Variants in CALCOCO1 observed in about 807,000 individuals in gnomAD.
The protein encoded by CALCOCO1 is calcium binding and coiled-coil domain 1.
Under a neutral mutation model 86.3 loss-of-function variants are expected in CALCOCO1, and 44 were observed. The observed-to-expected ratio is 0.51, with a 90% confidence interval of 0.40 to 0.66. The LOEUF is 0.66. Ranked by LOEUF, CALCOCO1 falls within the 30% of genes least tolerant of loss-of-function variation. The pLI is 0.00. For missense variants in CALCOCO1, 708 were observed against 851.1 expected, an observed-to-expected ratio of 0.83 and a Z score of 2.09; for synonymous variants, 297 against 327.6, an observed-to-expected ratio of 0.91 and a Z score of 1.01.
rs751633795 is a variant in CALCOCO1 at position 53,721,498 on chromosome 12, T to C, written c.727A>G (p.Lys243Glu). The C allele has an allele frequency of 6.2e-6, 10 of 1,612,076 alleles. No individual in the cohort carries two copies. In the South Asian group the frequency reaches 1.1e-4, roughly 18 times the overall value. ...LEDDIQTISE[K>E]VLTKEVELDR... is the part of the protein sequence containing the mutation. Reference sequence around the variant, plus strand: ...AGCTCCACTTCCTTCGTCAGCACTTTCTCACTGATGGTCTGGATGTCATCC... The same window carrying C: ...AGCTCCACTTCCTTCGTCAGCACTTCCTCACTGATGGTCTGGATGTCATCC... Residue 243 changes from lysine (K) to glutamate (E), a missense_variant, in exon 6 of 15, where the codon AAA (lysine) becomes GAA (glutamate). Lys to Glu is a moderately conservative substitution (Grantham distance 56). Coordinates refer to ENST00000550804, the MANE Select transcript of CALCOCO1 (RefSeq NM_020898.3).
rs1945943021 is a variant in CALCOCO1, at chr12:53,723,775, G to C, written c.268C>G (p.Leu90Val). ...TAGAGCTGAGCTCCTGGTTTGGGCA[G>C]GTAGCTGGCTGTGGGAAGAAGAATG... ...HTSVQFQASY[L>V]PKPGAQLYQF... The change falls in exon 4 of 15, where the codon CTG becomes GTG. Residue 90 changes from leucine to valine, a missense_variant. By Grantham distance (32) the Leu-to-Val change is conservative. Transcript: ENST00000550804. 6.2e-7 allele frequency: 1 copy of C among 1,612,014 alleles called. No individual in the cohort carries two copies. Among genetic ancestry groups the C allele is most frequent in the South Asian group, 1.1e-5 (1 of 91,038 alleles).
At chr12:53,713,589 C>A (rs887280006) in intron 13 of CALCOCO1, 112 bp downstream of exon 13, 1 of 1,020,996 alleles carries the variant, frequency 9.8e-7, no homozygotes, top group African/African-American at 1.6e-5. Flanking sequence ...TCGCTTCAGC[C>A]CAGGAGGCAG....
rs753292967 is a variant in CALCOCO1 at position 53,725,141 on chromosome 12, G to A, written c.102C>T (p.Tyr34=). 6.2e-7 allele frequency: 1 copy of A among 1,613,330 alleles called. No homozygotes were observed. Among genetic ancestry groups the A allele is most frequent in the Non-Finnish European group, 8.5e-7 (1 of 1,179,604 alleles). ...TGGGCATGGTGCCTGGGGGAAGGGT[G>A]TAGTGACATTCCACCTTGGTGTTGG... ...YIPNTKVECH[Y]TLPPGTMPSA... The change falls in exon 2 of 15, where the codon TAC becomes TAT. Residue 34 remains tyrosine (Y), a synonymous_variant. Transcript: ENST00000550804.
Position 53,723,581 on chromosome 12 carries a change from C to T in CALCOCO1, c.450+12G>A. On this transcript the variant is annotated intron_variant, in intron 4 of 14. Transcript: ENST00000550804. ...CCCTTGTCTGGGAATAACTCTGTTG[C>T]TCTTTTCTCACCTGTAACACAGTTG... 4 of 1,614,100 alleles carry T rather than the reference C, an allele frequency of 2.5e-6. No individual in the cohort carries two copies. The highest frequency in any genetic ancestry group is 3.4e-6 in the Non-Finnish European group (4 of 1,179,954).
chr12:53,725,058 A>G (rs371295804), intron 2 of CALCOCO1, 29 bp downstream of exon 2: 1 of 1,555,456 alleles, frequency 6.4e-7, no homozygotes. Context: ...CAGCCCATAA[A>G]CCTAAGCCAA....
At chr12:53,722,801 G>A (rs1945910808) in intron 4 of CALCOCO1, 3 of 379,140 alleles carry the variant, frequency 7.9e-6, no homozygotes, top group Admixed American at 7.4e-5. Context: ...GTCCTCATCT[G>A]TAACATGATC....
chr12:53,719,468 C>T (rs1456842446), intron 7 of CALCOCO1, among the ~76,000 whole-genome samples: 1 of 152,060 alleles, frequency 6.6e-6, no homozygotes, highest in Non-Finnish European at 1.5e-5. Context: ...AGAGGTTGCA[C>T]TGAGCTAAGA....
Position 53,716,403 on chromosome 12 carries a change from C to G in CALCOCO1, c.862G>C (p.Val288Leu). 6.2e-7 allele frequency: 1 copy of G among 1,614,148 alleles called. No individual in the cohort carries two copies. The highest frequency in any genetic ancestry group is 2.2e-5 in the East Asian group (1 of 44,880). ...AAGTGATGGTTCTCCTGTTGTGCCA[C>G]TTGGAGCTCAGCCTGAGGGAAGTGG... ...DKEQSEAELQ[V>L]AQQENHHLNL... Residue 288 changes from valine to leucine, a missense_variant, in exon 8 of 15, where the codon GTG (valine) becomes CTG (leucine). Val to Leu is a conservative substitution (Grantham distance 32, BLOSUM62 1). Coordinates refer to ENST00000550804, the MANE Select transcript of CALCOCO1 (RefSeq NM_020898.3).
intron 7 of CALCOCO1, 81 bp from the exon 8 acceptor site, chr12:53,716,496 G>A: frequency 6.9e-7 from 1 of 1,448,172 alleles, no homozygotes; most frequent in Non-Finnish European, 9.6e-7. Flanking sequence ...GATGAGAGAG[G>A]TCAAGGTTCC....
At chr12:53,712,182 A>G in intron 14 of CALCOCO1, 61 bp from the exon 15 acceptor site, 2 of 1,449,974 alleles carry the variant, frequency 1.4e-6, no homozygotes, top group Non-Finnish European at 1.9e-6. Flanking sequence ...CTTGACTTGC[A>G]GACTTCGGAG....
chr12:53,710,124 G>A lies in CALCOCO1; in HGVS notation c.*1820C>T, dbSNP rs1945519249. ...ACGGGAAGCAATAAAGGAAGAGAGGGATTCTATTAATTAAATCATTGTTAT... is the reference window on the plus strand; with the variant it reads ...ACGGGAAGCAATAAAGGAAGAGAGGAATTCTATTAATTAAATCATTGTTAT... On this transcript the variant is annotated 3_prime_UTR_variant, in exon 15 of 15. Transcript: ENST00000550804. 1.3e-5 allele frequency: 2 copies of A among 152,132 alleles called. No homozygotes were observed. Among genetic ancestry groups the A allele is most frequent in the East Asian group, 1.9e-4 (1 of 5,194 alleles). The allele number at this position is 152,132 out of a possible 1,614,324, so 9.4% of individuals were successfully genotyped here.
intron 11 of CALCOCO1, 123 bp downstream of exon 11, chr12:53,714,475 C>T: frequency 1.3e-6 from 1 of 742,272 alleles, no homozygotes; most frequent in Non-Finnish European, 2.3e-6. Flanking sequence ...ATAAGAGAAG[C>T]CAGGGTACGG....
rs1342754807 is a variant in CALCOCO1, at chr12:53,711,649, A to T, written c.*295T>A. On this transcript the variant is annotated 3_prime_UTR_variant, in exon 15 of 15. Coordinates refer to ENST00000550804, the MANE Select transcript of CALCOCO1 (RefSeq NM_020898.3). ...AAGCAACCAGGGCTAGGAGTGGACG[A>T]TTCTATTCCCACAGGGGAAGGCCTC... 1 of 338,440 alleles carries T rather than the reference A, an allele frequency of 3.0e-6. No homozygotes were observed. Among genetic ancestry groups the T allele is most frequent in the Non-Finnish European group, 5.3e-6 (1 of 187,620 alleles). The allele number at this position is 338,440 out of a possible 1,614,324, so 21.0% of individuals were successfully genotyped here.
chr12:53,713,171 A>G lies in CALCOCO1; in HGVS notation c.1827T>C (p.Ala609=), dbSNP rs1355961050. The G allele has an allele frequency of 8.7e-6, 14 of 1,614,040 alleles. No homozygotes were observed. The highest frequency in any genetic ancestry group is 1.7e-5 in the Admixed American group (1 of 60,008). Residue 609 remains alanine, a synonymous_variant, in exon 14 of 15, where the codon GCT becomes GCC. Coordinates refer to ENST00000550804, the MANE Select transcript of CALCOCO1 (RefSeq NM_020898.3). ...AEDEKSVLMA[A]VQSGGEEANL... ...TGGCCTCCTCACCCCCACTCTGCAC[A>G]GCTGCCATCAGGACTGACTTCTCAT...
At chr12:53,712,589 C>A (rs921367529) in intron 14 of CALCOCO1, 13 of 244,924 alleles carry the variant, frequency 5.3e-5, no homozygotes, top group African/African-American at 2.9e-4. Flanking sequence ...CAGAAGGGGA[C>A]AATCTGATAC....
intron 7 of CALCOCO1, among the ~76,000 whole-genome samples, chr12:53,719,227 T>C (rs1402540457): frequency 6.6e-6 from 1 of 151,880 alleles, no homozygotes; most frequent in East Asian, 1.9e-4. Flanking sequence ...CACAATACTT[T>C]ATTAGATTTC....
chr12:53,724,015 C>T (rs1477747644), intron 3 of CALCOCO1: 1 of 557,070 alleles, frequency 1.8e-6, no homozygotes, highest in Non-Finnish European at 3.2e-6. Context: ...ATGTACCAGA[C>T]ACTGTGGTAA....
At position 53,712,102 on chromosome 12, in the gene CALCOCO1, G is replaced by C; in HGVS notation, c.1918C>G (p.Leu640Val). The C allele has an allele frequency of 6.2e-7, 1 of 1,606,116 alleles. No individual in the cohort carries two copies. Among genetic ancestry groups the C allele is most frequent in the Non-Finnish European group, 8.5e-7 (1 of 1,175,932 alleles). The change falls in exon 15 of 15, where the codon CTG (leucine) becomes GTG (valine). Residue 640 changes from leucine (L) to valine (V), a missense_variant. Physicochemically the swap from Leu to Val is conservative, Grantham distance 32. Coordinates refer to ENST00000550804, the MANE Select transcript of CALCOCO1 (RefSeq NM_020898.3). ...GGGCCCCCAGTGCTGGTTTCTGACA[G>C]GGTACCCACTGTAAAGCCACTAAGA... is the stretch of plus-strand genomic sequence containing the variant. ...DMASGFTVGT[L>V]SETSTGGPAT... is the part of the protein sequence containing the mutation.
chr12:53,719,804 T>C lies in CALCOCO1; in HGVS notation c.784A>G (p.Thr262Ala). Residue 262 changes from threonine to alanine, a missense_variant, in exon 7 of 15, where the codon ACT becomes GCT. Transcript: ENST00000550804. ...DRLRDTVKAL[T>A]REQEKLLGQL... ...CCAAGGAGCTTCTCTTGTTCCCGAGTCAGGGCCTTCACTGTGTCTCTAAGC... is the reference window on the plus strand; with the variant it reads ...CCAAGGAGCTTCTCTTGTTCCCGAGCCAGGGCCTTCACTGTGTCTCTAAGC... 6.2e-7 allele frequency: 1 copy of C among 1,613,716 alleles called. No individual in the cohort carries two copies. The highest frequency in any genetic ancestry group is 8.5e-7 in the Non-Finnish European group (1 of 1,179,732).
Sources: allele counts gnomAD v4.1 joint callset (sites outside exome capture counted in the v4.1 genomes callset), GRCh38; gene constraint gnomAD v4.1.1; transcripts MANE v1.5; gene names NCBI Gene and HGNC (gene_info 2026-07-23, HGNC 2026-07-21).